Variants in HMGXB3 observed in about 807,000 individuals in gnomAD.
HMGXB3 encodes the protein HMG domain-containing protein 3.
In HMGXB3, 45 loss-of-function variants were observed where a neutral mutation model predicts 121.5. The observed-to-expected ratio is 0.37, with a 90% confidence interval of 0.29 to 0.47. The LOEUF (loss-of-function observed/expected upper bound fraction) is 0.47. HMGXB3 is among the 20% of genes least tolerant of loss of function. The probability of loss-of-function intolerance (pLI) is 0.99; values close to 1 mark genes in which losing one functional copy is unlikely to be tolerated. For missense variants in HMGXB3, 1,376 were observed against 1,602.2 expected, an observed-to-expected ratio of 0.86 and a Z score of 2.41; for synonymous variants, 590 against 624.1, an observed-to-expected ratio of 0.95 and a Z score of 0.81.
rs1437214095 is a variant in HMGXB3 at position 150,052,101 on chromosome 5, G to A, written c.3788G>A (p.Arg1263His). ...QSCQPGEVVI[R>H]DTLYRLGVAQ... ...TGCCAGCCTGGTGAGGTGGTCATTC[G>A]TGACACCCTCTACCGCCTTGGGGTT... The change falls in exon 20 of 20, where the codon CGT becomes CAT. Residue 1263 changes from arginine to histidine, a missense_variant. Around this residue, in one of 2 missense-constraint regions of HMGXB3, gnomAD observed 260 missense variants for 233.2 expected, o/e 1.11. Transcript: ENST00000502717. The A allele has an allele frequency of 1.9e-6, 3 of 1,551,764 alleles. No homozygotes were observed. The highest frequency in any genetic ancestry group is 2.6e-6 in the Non-Finnish European group (3 of 1,147,028).
intron 11 of HMGXB3, among the ~76,000 whole-genome samples, chr5:150,033,563 T>C (rs1756430309): frequency 6.6e-6 from 1 of 151,774 alleles, no homozygotes; most frequent in Admixed American, 6.6e-5. Flanking sequence ...CGTGGGGGCA[T>C]GGGGTGGGAG....
At chr5:150,049,755 G>T (rs1196229735) in intron 18 of HMGXB3, among the ~76,000 whole-genome samples, 2 of 151,702 alleles carry the variant, frequency 1.3e-5, no homozygotes, top group East Asian at 1.9e-4. Context: ...GGCCCTGTCA[G>T]TGGAGGTGTT....
At position 150,045,446 on chromosome 5, in the gene HMGXB3, T is replaced by C. The variant is rs955345535; in HGVS notation, c.2731-20T>C. On this transcript the variant is annotated intron_variant, in intron 15 of 19. Transcript: ENST00000502717. ...TTCTGTGACTCCCACAGTTTGACCT[T>C]CTTTATCCTGACCTTCTAGTTCACC... is the stretch of plus-strand genomic sequence containing the variant. 21 of 1,545,054 alleles carry C rather than the reference T, an allele frequency of 1.4e-5. No individual in the cohort carries two copies. The highest frequency in any genetic ancestry group is 1.8e-5 in the Non-Finnish European group (21 of 1,140,744).
rs1165496994 is a variant in HMGXB3, at chr5:150,030,726, T to G, written c.1735-15T>G. On this transcript the variant is annotated splice_polypyrimidine_tract_variant and intron_variant, in intron 9 of 19. Transcript: ENST00000502717. The stretch of plus-strand genomic sequence containing the variant: ...TAAGGTTCAAAAGCACTAAATAATT[T>G]GTTCTGATCCACAGCTACCAAGTGG... 30 of 1,545,628 alleles carry G rather than the reference T, an allele frequency of 1.9e-5. 1 individual carries two copies. In the East Asian group the frequency reaches 3.2e-4, roughly 16 times the overall value.
chr5:150,018,582 G>T lies in HMGXB3; in HGVS notation c.926G>T (p.Arg309Leu). 6.5e-7 allele frequency: 1 copy of T among 1,548,442 alleles called. No homozygotes were observed. Among genetic ancestry groups the T allele is most frequent in the Non-Finnish European group, 8.7e-7 (1 of 1,145,622 alleles). Reference sequence around the variant, plus strand: ...TATTTACAGACCACTACATATACCCGCCGGGGCCATGGGACATGCACCAGC... The same window carrying T: ...TATTTACAGACCACTACATATACCCTCCGGGGCCATGGGACATGCACCAGC... ...TSIKLTTTYT[R>L]RGHGTCTSPG... Residue 309 changes from arginine (R) to leucine (L), a missense_variant, in exon 6 of 20, where the codon CGC becomes CTC. Physicochemically the swap from Arg to Leu is moderately radical, Grantham distance 102. Around this residue, in one of 2 missense-constraint regions of HMGXB3, gnomAD observed 1,116 missense variants for 1,369.0 expected, o/e 0.82. Transcript: ENST00000502717.
chr5:150,025,466 C>T (rs1756205992), intron 7 of HMGXB3, among the ~76,000 whole-genome samples: 2 of 151,526 alleles, frequency 1.3e-5, no homozygotes, highest in African/African-American at 4.9e-5. Flanking sequence ...ACCTTGTATG[C>T]AAATATGTAT....
Position 150,024,529 on chromosome 5 carries a change from GCAGTCACTAAGACGC to G in HMGXB3, c.1315_1329del (p.Thr439_Val443del). 6.4e-7 allele frequency: 1 copy of G among 1,551,742 alleles called. No homozygotes were observed. The highest frequency in any genetic ancestry group is 8.7e-7 in the Non-Finnish European group (1 of 1,147,002). ...GGAAGCTCCCGGGAATTGTGGTACA[GCAGTCACTAAGACGC>G]CAGTCGTCAAAAGTGGTGTGCAGCC... is the stretch of plus-strand genomic sequence containing the variant. On this transcript the variant is annotated inframe_deletion, in exon 7 of 20. Coordinates refer to ENST00000502717, the MANE Select transcript of HMGXB3 (RefSeq NM_014983.3).
At chr5:150,022,435 T>TGGCA (rs1756119699) in intron 6 of HMGXB3, among the ~76,000 whole-genome samples, 1 of 152,340 alleles carries the variant, frequency 6.6e-6, no homozygotes, top group East Asian at 1.9e-4. Context: ...GGCTCTCTGA[T>TGGCA]GGCAGCAGTT....
intron 3 of HMGXB3, among the ~76,000 whole-genome samples, chr5:150,007,637 T>C (rs1328142801): frequency 6.6e-6 from 1 of 152,218 alleles, no homozygotes; most frequent in Non-Finnish European, 1.5e-5. Context: ...GATGCTACTC[T>C]CTGCTCCCTC....
rs1756013463 is a variant in HMGXB3, at chr5:150,018,620, T to C, written c.964T>C (p.Phe322Leu). The C allele has an allele frequency of 1.3e-6, 2 of 1,551,280 alleles. No homozygotes were observed. Among genetic ancestry groups the C allele is most frequent in the Admixed American group, 2.0e-5 (1 of 50,960 alleles). The change falls in exon 6 of 20, where the codon TTT (phenylalanine) becomes CTT (leucine). Residue 322 changes from phenylalanine (F) to leucine (L), a missense_variant. Phe to Leu is a conservative substitution (Grantham distance 22). Transcript: ENST00000502717. ...GACATGCACCAGCCCAGGGTGCTCC[T>C]TTACATATGTCACCAGGCACAAGCC... The part of the protein sequence containing the change: ...HGTCTSPGCS[F>L]TYVTRHKPPK...
intron 13 of HMGXB3, 116 bp downstream of exon 13, chr5:150,037,643 G>A: frequency 1.2e-6 from 1 of 858,480 alleles, no homozygotes. Flanking sequence ...GGCTTCTGAG[G>A]AAGGGGGAGT....
intron 10 of HMGXB3, among the ~76,000 whole-genome samples, chr5:150,031,084 A>G (rs1756364868): frequency 6.6e-6 from 1 of 152,138 alleles, no homozygotes; most frequent in South Asian, 2.1e-4. Context: ...AGATTAGTGT[A>G]TTTTTATTGA....
Position 150,051,767 on chromosome 5 carries a change from G to C in HMGXB3, c.3454G>C (p.Asp1152His). The part of the protein sequence containing the change: ...PELLDQHYTV[D>H]MTETEHSIQH... ...GCTCTTGGACCAGCATTATACTGTG[G>C]ACATGACAGAAACTGAGCACTCTAT... Residue 1152 changes from aspartate (D) to histidine (H), a missense_variant, in exon 20 of 20, where the codon GAC becomes CAC. This residue lies in a region of HMGXB3 where 260 missense variants were observed against 233.2 expected (regional missense o/e 1.11). Transcript: ENST00000502717. The C allele has an allele frequency of 1.3e-6, 2 of 1,542,548 alleles. No homozygotes were observed. Among genetic ancestry groups the C allele is most frequent in the Non-Finnish European group, 1.7e-6 (2 of 1,146,848 alleles).
Position 150,028,501 on chromosome 5 carries a change from A to G in HMGXB3, c.1734+1384A>G, listed in dbSNP as rs55893069. 4.9e-3 allele frequency among the ~76,000 whole-genome samples: 475 copies of G among 96,840 alleles called. 7 individuals are homozygous for G. Among genetic ancestry groups the G allele is most frequent in the South Asian group, 0.034 (92 of 2,718 alleles). 63.5% of individuals were successfully genotyped at this position (96,840 alleles called of 152,430 possible). A position where few individuals can be genotyped will look rare whatever the true frequency, so the allele number is the denominator to read the frequency against. ...TTGATATATATATGTATATATATGT[A>G]TGTATGTGTGTGTGTGTGTGTGTGT... On this transcript the variant is annotated intron_variant, in intron 9 of 19. Coordinates refer to ENST00000502717, the MANE Select transcript of HMGXB3 (RefSeq NM_014983.3).
intron 11 of HMGXB3, among the ~76,000 whole-genome samples, chr5:150,034,501 A>G (rs1191379043): frequency 6.6e-6 from 1 of 152,088 alleles, no homozygotes; most frequent in Non-Finnish European, 1.5e-5. Flanking sequence ...TAGGATGATG[A>G]AGGAACTTAA....
chr5:150,025,631 G>GA (rs2113742624), intron 7 of HMGXB3, among the ~76,000 whole-genome samples: 1 of 132,454 alleles, frequency 7.5e-6, no homozygotes, highest in African/African-American at 4.3e-5. Flanking sequence ...GCAGTGGTGC[G>GA]AACACAGCTC....
At chr5:150,040,252 T>G (rs1756597611) in intron 13 of HMGXB3, among the ~76,000 whole-genome samples, 1 of 152,040 alleles carries the variant, frequency 6.6e-6, no homozygotes, top group Non-Finnish European at 1.5e-5. Flanking sequence ...GATCTACTTC[T>G]TTTTAAAAAA....
Position 150,040,776 on chromosome 5 carries a change from G to A in HMGXB3, c.2442G>A (p.Leu814=). 1 of 1,552,116 alleles carries A rather than the reference G, an allele frequency of 6.4e-7. No individual in the cohort carries two copies. Among genetic ancestry groups the A allele is most frequent in the Non-Finnish European group, 8.7e-7 (1 of 1,147,052 alleles). ...TGLFNVGNKL[L]VSLDLLFAIR... ...TCTTTAATGTGGGGAACAAGCTGCT[G>A]GTAAGCCTGGACTTGCTTTTTGCAA... The change falls in exon 14 of 20, where the codon CTG becomes CTA. Residue 814 remains leucine (L), a synonymous_variant. Coordinates refer to ENST00000502717, the MANE Select transcript of HMGXB3 (RefSeq NM_014983.3).
intron 10 of HMGXB3, 96 bp downstream of exon 10, chr5:150,030,935 G>C: frequency 1.2e-6 from 1 of 825,846 alleles, no homozygotes; most frequent in Non-Finnish European, 2.0e-6. Context: ...GGTGGTGGTA[G>C]CTGGGAGGGA....
Sources: allele counts gnomAD v4.1 joint callset (sites outside exome capture counted in the v4.1 genomes callset), GRCh38; gene constraint gnomAD v4.1.1; regional missense constraint gnomAD v4.1.1; transcripts MANE v1.5; gene names NCBI Gene and HGNC (gene_info 2026-07-23, HGNC 2026-07-21).